The following LPP variants were observed in gnomAD, a reference collection of about 807,000 sequenced individuals.
LPP encodes the protein lipoma-preferred partner.
In LPP, 38 loss-of-function variants were observed where a neutral mutation model predicts 60.4. The ratio of observed to expected loss-of-function variants is 0.63; its 90% confidence interval spans 0.49 to 0.83. The LOEUF (loss-of-function observed/expected upper bound fraction) is 0.83, where lower values mean the gene tolerates loss of function less well. Ranked by LOEUF, LPP falls within the 40% of genes least tolerant of loss-of-function variation. LPP has a pLI of 0.00. For missense variants in LPP, 902 were observed against 783.6 expected (o/e 1.15, Z -1.80); for synonymous variants, 328 against 290.8 (o/e 1.13, Z -1.30).
At chr3:188,390,818 TC>T (rs1412308101) in intron 3 of LPP, among the ~76,000 whole-genome samples, 4 of 152,142 alleles carry the variant, frequency 2.6e-5, no homozygotes, top group African/African-American at 9.7e-5. Context: ...TTCCTTCTTG[TC>T]AGACATGGAG....
chr3:188,373,429 G>C (rs1313309577), intron 3 of LPP, among the ~76,000 whole-genome samples: 14 of 152,146 alleles, frequency 9.2e-5, no homozygotes, highest in Admixed American at 8.5e-4. Flanking sequence ...TCTCATTGTG[G>C]TTTTGATTTG....
intron 9 of LPP, among the ~76,000 whole-genome samples, chr3:188,863,046 A>G (rs1765658889): frequency 1.3e-5 from 2 of 152,286 alleles, no homozygotes; most frequent in African/African-American, 4.8e-5. Flanking sequence ...TTATCAGTGG[A>G]GGTGCATAGT....
Position 188,485,334 on chromosome 3 carries a change from C to T in LPP, c.306+630C>T, listed in dbSNP as rs1296534642. On this transcript the variant is annotated intron_variant, in intron 5 of 11. Transcript: ENST00000617246. Reference sequence around the variant, plus strand: ...TCAGACTGTGATCATCGGTAACTGCCGAAAGCTGCCACCATTTAAGCTGAA... The same window carrying T: ...TCAGACTGTGATCATCGGTAACTGCTGAAAGCTGCCACCATTTAAGCTGAA... Among the ~76,000 whole-genome samples the T allele has an allele frequency of 4.6e-5, 7 of 152,012 alleles. No homozygotes were observed. In the East Asian group the frequency reaches 9.6e-4, roughly 21 times the overall value.
intron 6 of LPP, among the ~76,000 whole-genome samples, chr3:188,562,845 A>C (rs1023715927): frequency 6.6e-6 from 1 of 152,082 alleles, no homozygotes; most frequent in Non-Finnish European, 1.5e-5. Context: ...AGGATAAAAC[A>C]ATGTTGTTCA....
intron 4 of LPP, among the ~76,000 whole-genome samples, chr3:188,477,284 T>A (rs1203061354): frequency 6.6e-6 from 1 of 152,134 alleles, no homozygotes; most frequent in East Asian, 1.9e-4. Context: ...AAGCAGGAAG[T>A]TTAAGAAGGA....
At chr3:188,530,946 G>A (rs962834587) in intron 6 of LPP, among the ~76,000 whole-genome samples, 1 of 152,152 alleles carries the variant, frequency 6.6e-6, no homozygotes, top group Admixed American at 6.5e-5. Context: ...GAAGACAAGA[G>A]ATCAATCATG....
chr3:188,604,958 A>G lies in LPP; in HGVS notation c.430-4203A>G, dbSNP rs11914805. Among the ~76,000 whole-genome samples the G allele has an allele frequency of 6.5e-3, 983 of 152,242 alleles. 9 individuals carry two copies. The highest frequency in any genetic ancestry group is 0.022 in the African/African-American group (932 of 41,558). ...TAGGAATCAGCTAGATAATTCAAAG[A>G]CAATGGAGAAGTGCATTGGTGTAGG... On this transcript the variant is annotated intron_variant, in intron 6 of 11. Coordinates refer to ENST00000617246, the MANE Select transcript of LPP (RefSeq NM_001375462.1).
At chr3:188,176,697 T>G (rs1277247764) in intron 1 of LPP, among the ~76,000 whole-genome samples, 1 of 152,198 alleles carries the variant, frequency 6.6e-6, no homozygotes, top group Non-Finnish European at 1.5e-5. Context: ...CTGAAAACAT[T>G]TTCTCATCTG....
chr3:188,486,310 G>A (rs1258263528), intron 5 of LPP, among the ~76,000 whole-genome samples: 1 of 152,134 alleles, frequency 6.6e-6, no homozygotes, highest in Non-Finnish European at 1.5e-5. Context: ...TCCTATGTGG[G>A]CATTATTCAA....
chr3:188,864,225 C>T (rs893871062), intron 9 of LPP, among the ~76,000 whole-genome samples: 3 of 152,188 alleles, frequency 2.0e-5, no homozygotes, highest in Non-Finnish European at 2.9e-5. Flanking sequence ...CCTCAGGCAA[C>T]CACAGCTTTG....
chr3:188,156,851 A>AC (rs1553796774), intron 1 of LPP, among the ~76,000 whole-genome samples: 4 of 136,554 alleles, frequency 2.9e-5, no homozygotes, highest in Admixed American at 7.3e-5. Flanking sequence ...GCTGCGCCCC[A>AC]CCCCCCCAAG....
At chr3:188,369,150 A>G (rs1227414988) in intron 3 of LPP, among the ~76,000 whole-genome samples, 4 of 152,136 alleles carry the variant, frequency 2.6e-5, no homozygotes, top group Non-Finnish European at 5.9e-5. Context: ...ATCTCACTGC[A>G]TAGACAGAAA....
intron 2 of LPP, among the ~76,000 whole-genome samples, chr3:188,276,701 C>G (rs866392755): frequency 3.2e-5 from 3 of 94,120 alleles, no homozygotes; most frequent in African/African-American, 3.5e-5. Context: ...CTCTTTCTCT[C>G]TCTCTCTCTC....
intron 7 of LPP, among the ~76,000 whole-genome samples, chr3:188,667,676 A>C (rs913316158): frequency 6.7e-6 from 1 of 148,668 alleles, no homozygotes; most frequent in South Asian, 2.2e-4. Flanking sequence ...TAGTGTGCTA[A>C]TCTTTTTTGT....
rs147590592 is a variant in LPP at position 188,480,376 on chromosome 3, C to G, written c.194-4216C>G. The stretch of plus-strand genomic sequence containing the variant: ...TTGGGTTCACATGGAGCAAATCAAG[C>G]AAGATATGTCTCAGCATCTCTCCAA... On this transcript the variant is annotated intron_variant, in intron 4 of 11. Coordinates refer to ENST00000617246, the MANE Select transcript of LPP (RefSeq NM_001375462.1). Among the ~76,000 whole-genome samples the G allele has an allele frequency of 2.4e-3, 361 of 152,332 alleles. 3 individuals are homozygous for G. Among genetic ancestry groups the G allele is most frequent in the Non-Finnish European group, 4.1e-3 (281 of 68,032 alleles).
chr3:188,584,953 T>C (rs1189071062), intron 6 of LPP, among the ~76,000 whole-genome samples: 2 of 152,166 alleles, frequency 1.3e-5, no homozygotes, highest in Non-Finnish European at 2.9e-5. Context: ...AGTTTTTTCA[T>C]GTAGTTGAAA....
chr3:188,191,290 T>G (rs907576382), intron 1 of LPP, among the ~76,000 whole-genome samples: 6 of 152,252 alleles, frequency 3.9e-5, no homozygotes, highest in Non-Finnish European at 8.8e-5. Flanking sequence ...GGAGCTGTTT[T>G]TAACAGTTTG....
At chr3:188,506,926 T>A (rs1042735866) in intron 5 of LPP, among the ~76,000 whole-genome samples, 2 of 151,934 alleles carry the variant, frequency 1.3e-5, no homozygotes, top group African/African-American at 4.8e-5. Flanking sequence ...GCCTCCCAAG[T>A]AGCTGGGACT....
chr3:188,877,129 T>C lies in LPP; in HGVS notation c.*2650T>C, dbSNP rs1226377804. 1.7e-5 allele frequency: 3 copies of C among 174,204 alleles called. No individual in the cohort carries two copies. The highest frequency in any genetic ancestry group is 3.7e-5 in the Non-Finnish European group (3 of 80,760). The allele number at this position is 174,204 out of a possible 1,614,324, so 10.8% of individuals were successfully genotyped here. On this transcript the variant is annotated 3_prime_UTR_variant, in exon 12 of 12. Coordinates refer to ENST00000617246, the MANE Select transcript of LPP (RefSeq NM_001375462.1). Reference sequence around the variant, plus strand: ...CTACAATATTTTATTCTAGGGTTTCTTAAATATATGATTTATATTACTGTC... The same window carrying C: ...CTACAATATTTTATTCTAGGGTTTCCTAAATATATGATTTATATTACTGTC...
Sources: gnomAD v4.1 joint callset for allele counts (sites outside exome capture counted in the v4.1 genomes callset) on GRCh38, gnomAD v4.1.1 for gene constraint, MANE v1.5 for transcripts, NCBI Gene and HGNC (gene_info 2026-07-23, HGNC 2026-07-21) for gene names.